CCDC91: variants seen among roughly 807,000 people sequenced by gnomAD.
The protein encoded by CCDC91 is coiled-coil domain-containing protein 91.
A neutral mutation model predicts 63.2 loss-of-function variants in CCDC91; 48 were observed. The ratio of observed to expected loss-of-function variants is 0.76; its 90% CI spans 0.60 to 0.97. CCDC91 has a LOEUF of 0.97. CCDC91 is among the 50% of genes least tolerant of loss of function. The pLI, the probability that CCDC91 is intolerant of heterozygous loss-of-function variation, is 0.00. For synonymous variants in CCDC91, 167 were observed against 165.8 expected, an observed-to-expected ratio of 1.01 and a Z score of -0.06; for missense variants, 500 against 494.6, an observed-to-expected ratio of 1.01 and a Z score of -0.10.
chr12:28,282,395 A>G (rs1948667580), intron 3 of CCDC91, among the ~76,000 whole-genome samples: 1 of 152,178 alleles, frequency 6.6e-6, no homozygotes, highest in Non-Finnish European at 1.5e-5. Context: ...CTTCACTTAG[A>G]TAATGGCCTC....
At chr12:28,200,336 G>A (rs1942126658) in intron 1 of CCDC91, among the ~76,000 whole-genome samples, 1 of 148,808 alleles carries the variant, frequency 6.7e-6, no homozygotes, top group African/African-American at 2.5e-5. Context: ...TCGCAGAGGG[G>A]GATTTGGCAG....
intron 3 of CCDC91, among the ~76,000 whole-genome samples, chr12:28,291,418 G>C (rs1318648838): frequency 6.6e-6 from 1 of 152,216 alleles, no homozygotes; most frequent in African/African-American, 2.4e-5. Context: ...CTGTTGACCA[G>C]TGCTGGCTGC....
intron 3 of CCDC91, among the ~76,000 whole-genome samples, chr12:28,260,293 A>T (rs1355138952): frequency 2.0e-5 from 3 of 152,002 alleles, no homozygotes; most frequent in African/African-American, 7.2e-5. Context: ...CTGGAAATAT[A>T]TGTATATGTT....
intron 3 of CCDC91, among the ~76,000 whole-genome samples, chr12:28,294,806 A>G (rs2136876587): frequency 6.6e-6 from 1 of 152,040 alleles, no homozygotes. Flanking sequence ...GCTGGTTTGG[A>G]ACTCCCGACC....
chr12:28,479,817 G>A (rs1301599498), intron 11 of CCDC91, among the ~76,000 whole-genome samples: 2 of 147,946 alleles, frequency 1.4e-5, no homozygotes, highest in African/African-American at 2.7e-5. Flanking sequence ...ATGTTTAAGA[G>A]TTAGCAACTT....
chr12:28,345,512 A>G (rs566214040), intron 6 of CCDC91, among the ~76,000 whole-genome samples: 3 of 152,048 alleles, frequency 2.0e-5, no homozygotes, highest in African/African-American at 7.2e-5. Flanking sequence ...CTATTTATTC[A>G]CTTACTATCT....
At chr12:28,306,675 G>C (rs1229020216) in intron 4 of CCDC91, 67 bp from the exon 5 acceptor site, 13 of 1,093,782 alleles carry the variant, frequency 1.2e-5, no homozygotes, top group Non-Finnish European at 1.6e-5. Context: ...GTGCCCTTTG[G>C]ATGTTTTCAT....
intron 6 of CCDC91, among the ~76,000 whole-genome samples, chr12:28,334,281 A>G (rs1203821155): frequency 6.6e-6 from 1 of 152,102 alleles, no homozygotes; most frequent in Non-Finnish European, 1.5e-5. Flanking sequence ...TCTATTCTTT[A>G]TCTAGCTTCT....
intron 8 of CCDC91, among the ~76,000 whole-genome samples, chr12:28,447,157 G>C (rs1041612570): frequency 6.6e-6 from 1 of 152,010 alleles, no homozygotes; most frequent in African/African-American, 2.4e-5. Flanking sequence ...ATTTCACAAA[G>C]ATGCATGCAT....
intron 1 of CCDC91, among the ~76,000 whole-genome samples, chr12:28,236,063 C>A (rs1333369342): frequency 1.3e-5 from 2 of 152,054 alleles, no homozygotes; most frequent in Admixed American, 6.6e-5. Context: ...GTAAATATAA[C>A]TTTTCCTAAG....
At chr12:28,360,390 G>A (rs905288070) in intron 6 of CCDC91, among the ~76,000 whole-genome samples, 4 of 152,124 alleles carry the variant, frequency 2.6e-5, no homozygotes, top group African/African-American at 7.2e-5. Flanking sequence ...GCTCCTTCAA[G>A]TGACAGTGAG....
intron 6 of CCDC91, among the ~76,000 whole-genome samples, chr12:28,339,115 A>G (rs997499007): frequency 3.9e-5 from 6 of 152,216 alleles, no homozygotes; most frequent in East Asian, 1.9e-4. Flanking sequence ...TGCTGGGATT[A>G]CAGGCATGAG....
intron 6 of CCDC91, among the ~76,000 whole-genome samples, chr12:28,327,862 G>C (rs1941157063): frequency 1.3e-5 from 2 of 152,110 alleles, no homozygotes; most frequent in Non-Finnish European, 2.9e-5. Flanking sequence ...AATCTCATCA[G>C]TCTTAGCAGG....
chr12:28,206,325 C>T (rs1171597926), intron 1 of CCDC91, among the ~76,000 whole-genome samples: 3 of 152,156 alleles, frequency 2.0e-5, no homozygotes, highest in Non-Finnish European at 4.4e-5. Context: ...ATTTGGGTTT[C>T]CAGTCTCAGC....
chr12:28,362,591 A>G, intron 7 of CCDC91, 76 bp downstream of exon 7: 1 of 787,294 alleles, frequency 1.3e-6, no homozygotes. Flanking sequence ...AGGTATGTGC[A>G]AACATATACA....
intron 1 of CCDC91, among the ~76,000 whole-genome samples, chr12:28,229,591 TTTTGCATG>T (rs914483540): frequency 1.2e-4 from 18 of 152,130 alleles, no homozygotes; most frequent in Admixed American, 4.6e-4. Context: ...GGGACTGAAC[TTTTGCATG>T]TTTGAGGAAG....
chr12:28,443,475 A>C (rs1364781320), intron 8 of CCDC91, among the ~76,000 whole-genome samples: 1 of 152,080 alleles, frequency 6.6e-6, no homozygotes, highest in Non-Finnish European at 1.5e-5. Flanking sequence ...TCATTCATTC[A>C]TGCATGCATG....
chr12:28,351,347 A>C (rs1341139020), intron 6 of CCDC91, among the ~76,000 whole-genome samples: 1 of 152,230 alleles, frequency 6.6e-6, no homozygotes, highest in Non-Finnish European at 1.5e-5. Flanking sequence ...CACCAGTTCC[A>C]AACAAATTTA....
chr12:28,409,970 C>T lies in CCDC91; in HGVS notation c.762+18559C>T, dbSNP rs554633239. Among the ~76,000 whole-genome samples, 6 of 152,178 alleles carry T rather than the reference C, an allele frequency of 3.9e-5. No individual in the cohort carries two copies. The East Asian group carries it at 1.2e-3, about 29-fold the overall frequency. ...CTAGACTATAGTCTGTCTTTGTAAGCATCCCTTGTCTACTTGAAAAGGTTG... is the reference window on the plus strand; with the variant it reads ...CTAGACTATAGTCTGTCTTTGTAAGTATCCCTTGTCTACTTGAAAAGGTTG... On this transcript the variant is annotated intron_variant, in intron 8 of 12. Coordinates refer to ENST00000536442, the MANE Select transcript of CCDC91 (RefSeq NM_018318.5).
Sources: gnomAD v4.1 joint callset for allele counts (sites outside exome capture counted in the v4.1 genomes callset) on GRCh38, gnomAD v4.1.1 for gene constraint, MANE v1.5 for transcripts, NCBI Gene and HGNC (gene_info 2026-07-23, HGNC 2026-07-21) for gene names.